TBC1D22B: variants seen among roughly 807,000 people sequenced by gnomAD.
The protein encoded by TBC1D22B is chromosome 6 open reading frame 197.
In TBC1D22B, 32 loss-of-function variants were observed where a neutral mutation model predicts 69.1. The ratio of observed to expected loss-of-function variants is 0.46; its 90% CI spans 0.35 to 0.62. The LOEUF is 0.62. Among genes scored for constraint, TBC1D22B ranks in the 20% least tolerant of loss-of-function variants. The pLI is 0.00. For synonymous variants in TBC1D22B, 206 were observed against 229.8 expected (o/e 0.90, Z 0.94); for missense variants, 462 against 630.9 (o/e 0.73, Z 2.87).
chr6:37,269,580 G>C lies in TBC1D22B; in HGVS notation c.57-14G>C. The C allele has an allele frequency of 6.2e-7, 1 of 1,613,864 alleles. No individual in the cohort carries two copies. On this transcript the variant is annotated splice_polypyrimidine_tract_variant and intron_variant, in intron 1 of 12. Coordinates refer to ENST00000373491, the MANE Select transcript of TBC1D22B (RefSeq NM_017772.4). ...ACTAAACTAACTATTTCTTCCTTTT[G>C]TTTTTGCTTTTAGCATTCAGCCTGT...
At chr6:37,275,966 C>CTTTTTTTTTTTTTTTTTTT (rs149995165) in intron 2 of TBC1D22B, among the ~76,000 whole-genome samples, 5 of 133,216 alleles carry the variant, frequency 3.8e-5, no homozygotes, top group African/African-American at 1.4e-4. Flanking sequence ...TTCTTTTTTT[C>CTTTTTTTTTTTTTTTTTTT]TTTTTTTTTT....
At chr6:37,324,484 T>G in intron 12 of TBC1D22B, 1 of 392,748 alleles carries the variant, frequency 2.5e-6, no homozygotes, top group Non-Finnish European at 5.2e-6. Flanking sequence ...AATGCCTTAC[T>G]GAAATTGTCT....
At chr6:37,276,151 G>A (rs915857151) in intron 2 of TBC1D22B, among the ~76,000 whole-genome samples, 1 of 151,892 alleles carries the variant, frequency 6.6e-6, no homozygotes, top group African/African-American at 2.4e-5. Context: ...TTTTAGTAGA[G>A]ATGAGGTTTC....
At chr6:37,321,021 A>G (rs1768225521) in intron 12 of TBC1D22B, among the ~76,000 whole-genome samples, 1 of 152,222 alleles carries the variant, frequency 6.6e-6, no homozygotes. Context: ...TGTAGATTAA[A>G]ATGGTTGAAT....
chr6:37,306,830 G>C (rs1767732052), intron 8 of TBC1D22B, among the ~76,000 whole-genome samples: 1 of 152,174 alleles, frequency 6.6e-6, no homozygotes, highest in African/African-American at 2.4e-5. Flanking sequence ...AATGCTGTAT[G>C]GTCAGCTAAG....
chr6:37,310,721 T>A (rs929101748), intron 8 of TBC1D22B, among the ~76,000 whole-genome samples: 1 of 152,220 alleles, frequency 6.6e-6, no homozygotes, highest in Non-Finnish European at 1.5e-5. Flanking sequence ...GCTATCTAGA[T>A]TTTTAGTTTC....
chr6:37,271,090 A>G (rs889898248), intron 2 of TBC1D22B, among the ~76,000 whole-genome samples: 4 of 152,142 alleles, frequency 2.6e-5, no homozygotes, highest in African/African-American at 4.8e-5. Flanking sequence ...AGGTGGGCGG[A>G]TCACTTGAGG....
intron 8 of TBC1D22B, among the ~76,000 whole-genome samples, chr6:37,309,709 A>G (rs1023721556): frequency 6.6e-6 from 1 of 152,106 alleles, no homozygotes; most frequent in African/African-American, 2.4e-5. Flanking sequence ...GCAGTTCTCA[A>G]AGGAAACAGT....
At chr6:37,327,000 T>C (rs1370347522) in intron 12 of TBC1D22B, among the ~76,000 whole-genome samples, 1 of 152,136 alleles carries the variant, frequency 6.6e-6, no homozygotes, top group East Asian at 1.9e-4. Context: ...ATACAAGTGG[T>C]CTACCTGAGG....
At chr6:37,271,886 T>A (rs931755306) in intron 2 of TBC1D22B, among the ~76,000 whole-genome samples, 10 of 151,254 alleles carry the variant, frequency 6.6e-5, no homozygotes, top group South Asian at 2.1e-4. Flanking sequence ...GAAACCACTA[T>A]TGTATAGATT....
intron 8 of TBC1D22B, among the ~76,000 whole-genome samples, chr6:37,305,422 T>C (rs1294821439): frequency 6.6e-6 from 1 of 152,140 alleles, no homozygotes; most frequent in Non-Finnish European, 1.5e-5. Flanking sequence ...AGAAGTCCCT[T>C]TGTGTTCCCT....
rs145900657 is a variant in TBC1D22B, at chr6:37,308,653, G to A, written c.983-4265G>A. Reference sequence around the variant, plus strand: ...GGAGTGGGTACAGTTACCGAGCATGGCACCTTACCAACTTATGACCTCATG... The same window carrying A: ...GGAGTGGGTACAGTTACCGAGCATGACACCTTACCAACTTATGACCTCATG... On this transcript the variant is annotated intron_variant, in intron 8 of 12. Transcript: ENST00000373491. Among the ~76,000 whole-genome samples, 131 of 152,304 alleles carry A rather than the reference G, an allele frequency of 8.6e-4. 1 individual carries two copies. The highest frequency in any genetic ancestry group is 3.0e-3 in the African/African-American group (123 of 41,562).
chr6:37,327,944 T>C (rs1230893773), intron 12 of TBC1D22B, among the ~76,000 whole-genome samples: 2 of 152,076 alleles, frequency 1.3e-5, no homozygotes, highest in Non-Finnish European at 2.9e-5. Context: ...TGAGAATATT[T>C]AGTGCTGGTA....
chr6:37,301,865 C>T (rs1767582375), intron 8 of TBC1D22B, among the ~76,000 whole-genome samples: 1 of 152,032 alleles, frequency 6.6e-6, no homozygotes, highest in South Asian at 2.1e-4. Context: ...TGTAGGAAGC[C>T]TCAAGTATCT....
chr6:37,275,123 T>TG (rs1460923734), intron 2 of TBC1D22B, among the ~76,000 whole-genome samples: 6 of 152,178 alleles, frequency 3.9e-5, no homozygotes, highest in Non-Finnish European at 5.9e-5. Context: ...TTGAGTTAAG[T>TG]GTAAACTACC....
At chr6:37,307,713 C>G (rs529570555) in intron 8 of TBC1D22B, among the ~76,000 whole-genome samples, 2 of 152,256 alleles carry the variant, frequency 1.3e-5, no homozygotes, top group East Asian at 1.9e-4. Flanking sequence ...ACAACAACAA[C>G]AAGGACCCGA....
intron 6 of TBC1D22B, among the ~76,000 whole-genome samples, chr6:37,285,803 G>A (rs749430916): frequency 3.8e-4 from 58 of 152,162 alleles, no homozygotes; most frequent in Non-Finnish European, 8.2e-4. Flanking sequence ...TGTAATTTTA[G>A]TGGAGACGGG....
chr6:37,304,633 C>G (rs1258932511), intron 8 of TBC1D22B, among the ~76,000 whole-genome samples: 1 of 151,810 alleles, frequency 6.6e-6, no homozygotes, highest in East Asian at 1.9e-4. Flanking sequence ...GGGAGGTGGG[C>G]TGAGAATGAG....
intron 8 of TBC1D22B, among the ~76,000 whole-genome samples, chr6:37,300,867 A>G (rs974514634): frequency 6.6e-6 from 1 of 152,214 alleles, no homozygotes; most frequent in Non-Finnish European, 1.5e-5. Context: ...TGCACAATAC[A>G]GTATCGTAAG....
Sources: gnomAD v4.1 joint callset for allele counts (sites outside exome capture counted in the v4.1 genomes callset) on GRCh38, gnomAD v4.1.1 for gene constraint, MANE v1.5 for transcripts, NCBI Gene and HGNC (gene_info 2026-07-23, HGNC 2026-07-21) for gene names.